The following CNTN4 variants were observed in gnomAD, a reference collection of about 807,000 sequenced individuals.
CNTN4 encodes contactin-4.
A neutral mutation model predicts 122.5 loss-of-function variants in CNTN4; 77 were observed. The observed-to-expected ratio is 0.63, with a 90% CI of 0.52 to 0.76. The LOEUF (loss-of-function observed/expected upper bound fraction) is 0.76. Ranked by LOEUF, CNTN4 falls within the 30% of genes least tolerant of loss-of-function variation. The probability of loss-of-function intolerance (pLI) is 0.00; values close to 1 mark genes in which losing one functional copy is unlikely to be tolerated. For missense variants in CNTN4, 1,256 were observed against 1,259.1 expected (o/e 1.00, Z 0.04); for synonymous variants, 512 against 447.0 (o/e 1.15, Z -1.83).
At chr3:2,594,049 A>G (rs2080635461) in intron 4 of CNTN4, among the ~76,000 whole-genome samples, 1 of 152,186 alleles carries the variant, frequency 6.6e-6, no homozygotes, top group Non-Finnish European at 1.5e-5. Flanking sequence ...TGAGAACAGC[A>G]TGAAAATTTG....
chr3:2,762,733 A>C (rs2090647128), intron 6 of CNTN4, among the ~76,000 whole-genome samples: 1 of 152,142 alleles, frequency 6.6e-6, no homozygotes, highest in African/African-American at 2.4e-5. Flanking sequence ...CCATCTTTAC[A>C]TCTTTGAGGG....
At chr3:2,448,959 A>C (rs2048726246) in intron 3 of CNTN4, among the ~76,000 whole-genome samples, 1 of 152,202 alleles carries the variant, frequency 6.6e-6, no homozygotes, top group South Asian at 2.1e-4. Context: ...AGAGGCTTTT[A>C]CTTTAAATCT....
At chr3:2,752,255 G>A (rs2090131598) in intron 6 of CNTN4, among the ~76,000 whole-genome samples, 1 of 152,220 alleles carries the variant, frequency 6.6e-6, no homozygotes, top group African/African-American at 2.4e-5. Flanking sequence ...GATCAAATCA[G>A]AGTAATTAGC....
chr3:2,952,868 T>G (rs1291151722), intron 13 of CNTN4, among the ~76,000 whole-genome samples: 1 of 152,190 alleles, frequency 6.6e-6, no homozygotes, highest in Non-Finnish European at 1.5e-5. Context: ...CCAACATGGT[T>G]ATAGCAACAG....
chr3:2,917,375 T>C (rs1274813573), intron 12 of CNTN4, among the ~76,000 whole-genome samples: 1 of 139,222 alleles, frequency 7.2e-6, no homozygotes, highest in East Asian at 2.2e-4. Flanking sequence ...AGAGGTGTAC[T>C]TTTTACCACA....
chr3:2,452,495 G>T (rs764465349), intron 3 of CNTN4, among the ~76,000 whole-genome samples: 1 of 152,152 alleles, frequency 6.6e-6, no homozygotes, highest in Non-Finnish European at 1.5e-5. Flanking sequence ...TTACAAAAGT[G>T]CCAAGTGATC....
chr3:2,959,543 A>G (rs1164425545), intron 13 of CNTN4, among the ~76,000 whole-genome samples: 1 of 152,132 alleles, frequency 6.6e-6, no homozygotes, highest in Non-Finnish European at 1.5e-5. Context: ...TAGAAATAGT[A>G]TATACCATCT....
At chr3:2,770,785 A>G (rs576062789) in intron 6 of CNTN4, among the ~76,000 whole-genome samples, 2 of 152,236 alleles carry the variant, frequency 1.3e-5, no homozygotes, top group African/African-American at 2.4e-5. Flanking sequence ...TGCTTAGTGT[A>G]TGGTGAGATG....
intron 14 of CNTN4, among the ~76,000 whole-genome samples, chr3:3,014,086 ACC>A (rs57890855): frequency 1.5e-4 from 20 of 135,054 alleles, no homozygotes; most frequent in South Asian, 1.5e-3. Flanking sequence ...ACACACACAC[ACC>A]CCTAGGGGTT....
At chr3:2,900,268 C>T (rs1308699995) in intron 10 of CNTN4, among the ~76,000 whole-genome samples, 1 of 152,158 alleles carries the variant, frequency 6.6e-6, no homozygotes, top group East Asian at 1.9e-4. Flanking sequence ...TTGGCATGAA[C>T]TTGGTTACAT....
chr3:2,894,562 T>C (rs933255167), intron 10 of CNTN4, among the ~76,000 whole-genome samples: 1 of 152,196 alleles, frequency 6.6e-6, no homozygotes, highest in African/African-American at 2.4e-5. Flanking sequence ...GTGAAGCTGA[T>C]TAGATATTCC....
At chr3:2,754,204 T>C (rs1323543591) in intron 6 of CNTN4, among the ~76,000 whole-genome samples, 3 of 152,334 alleles carry the variant, frequency 2.0e-5, no homozygotes, top group African/African-American at 7.2e-5. Flanking sequence ...CTCCAGATTT[T>C]AGCCTGTCAA....
chr3:2,603,080 A>G (rs1450170317), intron 4 of CNTN4, among the ~76,000 whole-genome samples: 1 of 150,226 alleles, frequency 6.7e-6, no homozygotes, highest in East Asian at 2.0e-4. Flanking sequence ...ATTGTTGAGT[A>G]TTTTCTCATT....
At chr3:2,358,247 G>A (rs1305207476) in intron 3 of CNTN4, among the ~76,000 whole-genome samples, 2 of 152,126 alleles carry the variant, frequency 1.3e-5, no homozygotes, top group Non-Finnish European at 2.9e-5. Flanking sequence ...CTGTGACCTT[G>A]AGTAAGCTTT....
At chr3:2,569,606 T>C (rs1157200635) in intron 3 of CNTN4, among the ~76,000 whole-genome samples, 2 of 152,184 alleles carry the variant, frequency 1.3e-5, no homozygotes, top group African/African-American at 2.4e-5. Flanking sequence ...TGTAGGGTGC[T>C]GCAGAGTTTT....
intron 2 of CNTN4, among the ~76,000 whole-genome samples, chr3:2,269,626 G>A (rs1230297246): frequency 6.6e-6 from 1 of 152,122 alleles, no homozygotes; most frequent in East Asian, 1.9e-4. Flanking sequence ...ATGATACAAT[G>A]AGGTCCCGCA....
intron 6 of CNTN4, among the ~76,000 whole-genome samples, chr3:2,767,116 GCTAATAAGT>G (rs1032412077): frequency 6.6e-5 from 10 of 152,152 alleles, no homozygotes; most frequent in African/African-American, 2.2e-4. Flanking sequence ...AATATACCAG[GCTAATAAGT>G]CATTCCATGT....
chr3:2,638,263 A>G (rs2082752116), intron 4 of CNTN4, among the ~76,000 whole-genome samples: 1 of 152,168 alleles, frequency 6.6e-6, no homozygotes, highest in Admixed American at 6.5e-5. Context: ...ATCCTTGATA[A>G]TAGCCTTTCT....
chr3:2,282,013 A>C (rs925087627), intron 2 of CNTN4, among the ~76,000 whole-genome samples: 3 of 152,050 alleles, frequency 2.0e-5, no homozygotes, highest in Admixed American at 1.3e-4. Context: ...TTTGCATATA[A>C]TCCTGCTCCA....
Sources: gnomAD v4.1 joint callset for allele counts (sites outside exome capture counted in the v4.1 genomes callset) on GRCh38, gnomAD v4.1.1 for gene constraint, MANE v1.5 for transcripts, NCBI Gene and HGNC (gene_info 2026-07-23, HGNC 2026-07-21) for gene names.